CCDC138: variants seen among roughly 807,000 people sequenced by gnomAD.
The protein encoded by CCDC138 is coiled-coil domain containing 138.
In CCDC138, 66 loss-of-function variants were observed where a neutral mutation model predicts 82.3. The observed-to-expected ratio is 0.80, with a 90% CI of 0.66 to 0.98. The LOEUF (loss-of-function observed/expected upper bound fraction) is 0.98. CCDC138 is among the 50% of genes least tolerant of loss of function. The probability of loss-of-function intolerance (pLI) is 0.00; values close to 1 mark genes in which losing one functional copy is unlikely to be tolerated. For synonymous variants in CCDC138, 297 were observed against 265.4 expected (o/e 1.12, Z -1.16); for missense variants, 816 against 758.9 (o/e 1.08, Z -0.88).
chr2:108,877,871 A>G (rs1406028655), downstream of CCDC138, among the ~76,000 whole-genome samples: 1 of 152,234 alleles, frequency 6.6e-6, no homozygotes, highest in East Asian at 1.9e-4. Flanking sequence ...AAAAGCACAA[A>G]CAAAAGCCAG....
At chr2:108,796,942 A>G (rs1681015731) in intron 5 of CCDC138, among the ~76,000 whole-genome samples, 1 of 152,348 alleles carries the variant, frequency 6.6e-6, no homozygotes, top group African/African-American at 2.4e-5. Flanking sequence ...AATTTATTGT[A>G]TATTTTAAAG....
chr2:108,794,456 G>A (rs1680506149), intron 4 of CCDC138, 84 bp from the exon 5 acceptor site: 3 of 1,189,308 alleles, frequency 2.5e-6, no homozygotes, highest in South Asian at 3.4e-5. Context: ...TGTACTTAAA[G>A]CATCTCTTCC....
intron 11 of CCDC138, among the ~76,000 whole-genome samples, chr2:108,839,848 A>T (rs1395440145): frequency 1.3e-5 from 2 of 151,390 alleles, no homozygotes; most frequent in South Asian, 4.2e-4. Context: ...TTTGATATGT[A>T]TGCCTTTAAT....
chr2:108,875,322 A>T (rs1282767918), intron 14 of CCDC138, among the ~76,000 whole-genome samples: 11 of 21,118 alleles, frequency 5.2e-4, no homozygotes, highest in East Asian at 2.3e-3. Context: ...AGTATAATAA[A>T]AAAAAAAAAA....
At chr2:108,845,174 G>C (rs181033730) in intron 11 of CCDC138, among the ~76,000 whole-genome samples, 91 of 151,986 alleles carry the variant, frequency 6.0e-4, no homozygotes, top group African/African-American at 2.1e-3. Context: ...GTAGAGTTTT[G>C]AACATTTTTT....
At chr2:108,815,591 G>A (rs1218059682) in intron 9 of CCDC138, among the ~76,000 whole-genome samples, 12 of 147,700 alleles carry the variant, frequency 8.1e-5, no homozygotes, top group Admixed American at 2.1e-4. Context: ...TCAGCCTTCC[G>A]AGTAGCTGGG....
At chr2:108,874,564 A>G (rs10195050) in intron 14 of CCDC138, among the ~76,000 whole-genome samples, 13,387 of 152,172 alleles carry the variant, frequency 0.088, 809 homozygotes, top group African/African-American at 0.16. Context: ...CCCCTCATCC[A>G]TGATTCCCGT....
intron 14 of CCDC138, among the ~76,000 whole-genome samples, chr2:108,875,186 A>ACTAGACAAGGAAATAAGAAACAAAG (rs539060068): frequency 2.6e-5 from 4 of 151,818 alleles, no homozygotes; most frequent in Non-Finnish European, 5.9e-5. Flanking sequence ...TTGTCAAATA[A>ACTAGACAAGGAAATAAGAAACAAAG]CTAGACAAGG....
chr2:108,878,560 C>A, downstream of CCDC138: 1 of 205,450 alleles, frequency 4.9e-6, no homozygotes, highest in South Asian at 9.2e-5. Context: ...TCTGGACAGT[C>A]AGATATGTTT....
chr2:108,818,573 G>A (rs1434404826), intron 10 of CCDC138, among the ~76,000 whole-genome samples: 1 of 152,032 alleles, frequency 6.6e-6, no homozygotes, highest in East Asian at 1.9e-4. Context: ...TATAATAATA[G>A]AAGAGTAAGT....
chr2:108,809,465 T>TGTGTGA (rs1463124242), intron 7 of CCDC138, among the ~76,000 whole-genome samples: 3 of 151,690 alleles, frequency 2.0e-5, no homozygotes, highest in Middle Eastern at 3.2e-3. Context: ...TGTGTGTGTG[T>TGTGTGA]GTGTGTGTGT....
chr2:108,880,762 T>G (rs569411555), downstream of CCDC138, among the ~76,000 whole-genome samples: 1 of 152,186 alleles, frequency 6.6e-6, no homozygotes, highest in African/African-American at 2.4e-5. Context: ...AAAAAAAGAC[T>G]CCTCTGAAAA....
Position 108,811,962 on chromosome 2 carries a change from A to G in CCDC138, c.856-669A>G, listed in dbSNP as rs181345049. Among the ~76,000 whole-genome samples the G allele has an allele frequency of 1.7e-4, 26 of 152,152 alleles. No homozygotes were observed. In the East Asian group the frequency reaches 1.7e-3, roughly 10 times the overall value. On this transcript the variant is annotated intron_variant, in intron 7 of 14. Coordinates refer to ENST00000295124, the MANE Select transcript of CCDC138 (RefSeq NM_144978.3). The stretch of plus-strand genomic sequence containing the variant: ...AGAAGACATGATTTCATTCTTTACT[A>G]TGGCCACATAGTATTCTATTCATGG...
chr2:108,787,696 G>C (rs1012260000), intron 1 of CCDC138, among the ~76,000 whole-genome samples: 3 of 151,350 alleles, frequency 2.0e-5, no homozygotes, highest in Non-Finnish European at 2.9e-5. Context: ...CACAGCCTTT[G>C]TTTTCTGTAA....
intron 12 of CCDC138, among the ~76,000 whole-genome samples, chr2:108,851,594 C>T (rs765533351): frequency 1.4e-4 from 21 of 151,448 alleles, no homozygotes; most frequent in African/African-American, 3.2e-4. Flanking sequence ...TGAGCCACCG[C>T]GCCCGGCCTT....
chr2:108,873,640 A>G, intron 14 of CCDC138, 51 bp downstream of exon 14: 2 of 1,343,456 alleles, frequency 1.5e-6, no homozygotes, highest in Non-Finnish European at 1.0e-6. Flanking sequence ...CCTTACTGTG[A>G]TCATTTAAAC....
At chr2:108,881,872 G>A (rs1299686859) in intron 1 of CCDC138, among the ~76,000 whole-genome samples, 5 of 152,214 alleles carry the variant, frequency 3.3e-5, no homozygotes, top group African/African-American at 9.6e-5. Flanking sequence ...GGCCAGGCAC[G>A]ATGGCTCACT....
intron 7 of CCDC138, among the ~76,000 whole-genome samples, chr2:108,809,812 G>A (rs1392765381): frequency 6.6e-6 from 1 of 151,914 alleles, no homozygotes; most frequent in Non-Finnish European, 1.5e-5. Flanking sequence ...TTGTTTGTTT[G>A]TTTGTTTGTT....
At chr2:108,873,022 A>G (rs1178475198) in intron 13 of CCDC138, among the ~76,000 whole-genome samples, 1 of 152,158 alleles carries the variant, frequency 6.6e-6, no homozygotes, top group Non-Finnish European at 1.5e-5. Context: ...GTGACTGTGT[A>G]AACTGTCATT....
Sources: gnomAD v4.1 joint callset for allele counts (sites outside exome capture counted in the v4.1 genomes callset) on GRCh38, gnomAD v4.1.1 for gene constraint, MANE v1.5 for transcripts, NCBI Gene and HGNC (gene_info 2026-07-23, HGNC 2026-07-21) for gene names.